Variants in ANK3 observed in about 807,000 individuals in gnomAD.
ANK3 encodes ankyrin-3.
In ANK3, 57 loss-of-function variants were observed where a neutral mutation model predicts 370.9. The ratio of observed to expected loss-of-function variants is 0.15; its 90% CI spans 0.12 to 0.19. ANK3 has a LOEUF of 0.19. Ranked by LOEUF, ANK3 falls within the 10% of genes least tolerant of loss-of-function variation. ANK3 has a pLI of 1.00. For synonymous variants in ANK3, 1,929 were observed against 1,946.3 expected (o/e 0.99, Z 0.23); for missense variants, 4,439 against 5,302.1 (o/e 0.84, Z 5.06).
chr10:60,446,518 G>A (rs540839654), intron 2 of ANK3, among the ~76,000 whole-genome samples: 2 of 152,212 alleles, frequency 1.3e-5, no homozygotes, highest in South Asian at 2.1e-4. Context: ...AGACTTTCTG[G>A]TGTCTTCTTT....
In ANK3 at chr10:60,222,422, TA is replaced by T. The variant is rs34886163; in HGVS notation, c.898-8913del. 3.5e-3 allele frequency among the ~76,000 whole-genome samples: 508 copies of T among 144,660 alleles called. 1 individual carries two copies. Among genetic ancestry groups the T allele is most frequent in the African/African-American group, 8.5e-3 (334 of 39,128 alleles). The allele number at this position is 144,660 out of a possible 152,430, so 94.9% of individuals were successfully genotyped here. A position where few individuals can be genotyped will look rare whatever the true frequency, so the allele number is the denominator to read the frequency against. The stretch of plus-strand genomic sequence containing the variant: ...TTTAATGATTCACACTTAATTCAGT[TA>T]AAAAAAAAAAAAAGAGGAGGAAAAC... On this transcript the variant is annotated intron_variant, in intron 8 of 43. Coordinates refer to ENST00000280772, the MANE Select transcript of ANK3 (RefSeq NM_020987.5).
At chr10:60,423,616 C>T (rs974586631) in intron 2 of ANK3, among the ~76,000 whole-genome samples, 1 of 152,016 alleles carries the variant, frequency 6.6e-6, no homozygotes, top group South Asian at 2.1e-4. Context: ...AAACAAAGTT[C>T]TTGTATATCC....
intron 2 of ANK3, among the ~76,000 whole-genome samples, chr10:60,454,614 C>T (rs535127074): frequency 6.6e-6 from 1 of 152,242 alleles, no homozygotes; most frequent in South Asian, 2.1e-4. Flanking sequence ...AAATAGGCCA[C>T]CCTTTGGCTC....
At chr10:60,438,697 G>T (rs2064218889) in intron 2 of ANK3, among the ~76,000 whole-genome samples, 1 of 152,164 alleles carries the variant, frequency 6.6e-6, no homozygotes, top group Non-Finnish European at 1.5e-5. Context: ...GCCTTGAGCG[G>T]CCAGCAGTAA....
At chr10:60,125,443 A>G (rs1190092617) in intron 25 of ANK3, among the ~76,000 whole-genome samples, 2 of 152,202 alleles carry the variant, frequency 1.3e-5, no homozygotes, top group East Asian at 1.9e-4. Flanking sequence ...TTGCTGACCA[A>G]TTGTTGAGAG....
At chr10:60,231,505 C>T (rs534277908) in intron 8 of ANK3, among the ~76,000 whole-genome samples, 5 of 152,214 alleles carry the variant, frequency 3.3e-5, no homozygotes, top group African/African-American at 4.8e-5. Flanking sequence ...GGATAGATAA[C>T]GGTATCTATT....
At chr10:60,267,785 A>G (rs1447462878) in intron 5 of ANK3, among the ~76,000 whole-genome samples, 2 of 152,220 alleles carry the variant, frequency 1.3e-5, no homozygotes, top group Non-Finnish European at 2.9e-5. Context: ...GTCCTACGCC[A>G]TCTTCACAAA....
At chr10:60,677,894 C>A (rs1347612764) in intron 1 of ANK3, among the ~76,000 whole-genome samples, 2 of 152,116 alleles carry the variant, frequency 1.3e-5, no homozygotes, top group African/African-American at 4.8e-5. Context: ...TCCTGCTAGG[C>A]TTCTACTGGT....
chr10:60,178,674 C>T (rs1234206633), intron 18 of ANK3, among the ~76,000 whole-genome samples: 1 of 152,182 alleles, frequency 6.6e-6, no homozygotes, highest in Non-Finnish European at 1.5e-5. Context: ...AGGTAAGTAT[C>T]ACATAAGTTC....
At chr10:60,217,600 T>G (rs1397513323) in intron 8 of ANK3, among the ~76,000 whole-genome samples, 1 of 152,228 alleles carries the variant, frequency 6.6e-6, no homozygotes, top group Non-Finnish European at 1.5e-5. Context: ...TGAGTTCTAA[T>G]TTGATTGCAC....
chr10:60,353,100 C>T (rs146445153), intron 1 of ANK3, among the ~76,000 whole-genome samples: 3,282 of 151,812 alleles, frequency 0.022, 66 homozygotes, highest in Middle Eastern at 0.051. Flanking sequence ...CCTCCCACCT[C>T]GGACCACAAA....
chr10:60,211,892 C>CAAAAA (rs72238553), intron 9 of ANK3, among the ~76,000 whole-genome samples: 1 of 93,388 alleles, frequency 1.1e-5, no homozygotes, highest in African/African-American at 4.8e-5. Context: ...AATACAGAGC[C>CAAAAA]AAAAAAAAAA....
chr10:60,316,617 GTTA>G (rs2047471218), intron 1 of ANK3, among the ~76,000 whole-genome samples: 1 of 152,102 alleles, frequency 6.6e-6, no homozygotes, highest in Non-Finnish European at 1.5e-5. Flanking sequence ...AATTTCCATT[GTTA>G]TTGTTTACAA....
In ANK3 at chr10:60,419,051, TTTGA is replaced by T. The variant is rs561782594; in HGVS notation, c.97-139416_97-139413del. ...ACAAGTTTTAGGTTGAAATTCTCAA[TTTGA>T]TTGTCTTAAATGGCTAATGTGTGAA... On this transcript the variant is annotated intron_variant, in intron 2 of 43. Coordinates refer to the ANK3 transcript ENST00000373827. Among the ~76,000 whole-genome samples, 37 of 152,330 alleles carry T rather than the reference TTTGA, an allele frequency of 2.4e-4. No individual in the cohort carries two copies. In the East Asian group the frequency reaches 6.9e-3, roughly 29 times the overall value.
chr10:60,719,241 C>T (rs1589073617), intron 1 of ANK3, among the ~76,000 whole-genome samples: 1 of 152,058 alleles, frequency 6.6e-6, no homozygotes, highest in African/African-American at 2.4e-5. Flanking sequence ...TTCAACCAGT[C>T]CCATAAAGGT....
At chr10:60,243,727 G>C (rs2097510207) in intron 7 of ANK3, among the ~76,000 whole-genome samples, 1 of 152,138 alleles carries the variant, frequency 6.6e-6, no homozygotes, top group Non-Finnish European at 1.5e-5. Flanking sequence ...CAGACATTTA[G>C]AAATGTATGA....
intron 2 of ANK3, among the ~76,000 whole-genome samples, chr10:60,400,009 A>AGTGTGTGT (rs60224309): frequency 5.5e-4 from 81 of 145,988 alleles, no homozygotes; most frequent in African/African-American, 1.7e-3. Flanking sequence ...CCTCCAATAC[A>AGTGTGTGT]GTGTGTGTGT....
intron 1 of ANK3, among the ~76,000 whole-genome samples, chr10:60,660,960 T>G (rs1173718800): frequency 6.6e-6 from 1 of 151,078 alleles, no homozygotes; most frequent in Non-Finnish European, 1.5e-5. Context: ...ACATAACACA[T>G]AATGTACAAC....
intron 1 of ANK3, among the ~76,000 whole-genome samples, chr10:60,667,952 T>C (rs2079019032): frequency 6.6e-6 from 1 of 151,278 alleles, no homozygotes; most frequent in Admixed American, 6.6e-5. Flanking sequence ...TGGGTTCAGA[T>C]TGCTGGGAAC....
Sources: gnomAD v4.1 joint callset for allele counts (sites outside exome capture counted in the v4.1 genomes callset) on GRCh38, gnomAD v4.1.1 for gene constraint, MANE v1.5 for transcripts, NCBI Gene and HGNC (gene_info 2026-07-23, HGNC 2026-07-21) for gene names.